Variants in UBE2H observed in about 807,000 individuals in gnomAD.
The protein encoded by UBE2H is ubiquitin conjugating enzyme E2 H, also known as ubiquitin-conjugating enzyme E2 H.
Under a neutral mutation model 29.0 loss-of-function variants are expected in UBE2H, and 3 were observed. The ratio of observed to expected loss-of-function variants is 0.10; its 90% CI spans 0.05 to 0.27. The LOEUF is 0.27. UBE2H is among the 10% of genes least tolerant of loss of function. UBE2H has a pLI of 1.00. For missense variants in UBE2H, 68 were observed against 228.2 expected (o/e 0.30, Z 4.52); for synonymous variants, 69 against 82.9 (o/e 0.83, Z 0.91).
At chr7:129,849,305 C>T (rs1441979501) in intron 5 of UBE2H, among the ~76,000 whole-genome samples, 3 of 152,190 alleles carry the variant, frequency 2.0e-5, no homozygotes, top group Non-Finnish European at 4.4e-5. Flanking sequence ...GAGCCGGGCG[C>T]AGTGGCTCAC....
chr7:129,942,069 G>C (rs1807656737), intron 1 of UBE2H, among the ~76,000 whole-genome samples: 1 of 152,108 alleles, frequency 6.6e-6, no homozygotes, highest in East Asian at 1.9e-4. Flanking sequence ...AGTAAGCCAG[G>C]TGTGGTGGCA....
chr7:129,846,346 AAATAAT>A (rs71175044), intron 5 of UBE2H, among the ~76,000 whole-genome samples: 2,384 of 146,344 alleles, frequency 0.016, 72 homozygotes, highest in East Asian at 0.12. Flanking sequence ...GGTCTCTACA[AAATAAT>A]AATAATAATA....
At chr7:129,904,162 AT>A (rs1806770982) in intron 1 of UBE2H, among the ~76,000 whole-genome samples, 1 of 151,996 alleles carries the variant, frequency 6.6e-6, no homozygotes, top group South Asian at 2.1e-4. Context: ...GTCTTCTTTC[AT>A]TTCCTCAAAC....
At position 129,834,644 on chromosome 7, in the gene UBE2H, C is replaced by T. The variant is rs1487684311; in HGVS notation, c.*293G>A. 8.6e-6 allele frequency: 2 copies of T among 233,656 alleles called. No individual in the cohort carries two copies. Among genetic ancestry groups the T allele is most frequent in the South Asian group, 1.0e-4 (1 of 9,654 alleles). The allele number at this position is 233,656 out of a possible 1,614,324, so 14.5% of individuals were successfully genotyped here. On this transcript the variant is annotated 3_prime_UTR_variant, in exon 7 of 7. Transcript: ENST00000355621. ...TACCTATCAGAGCGGCTATTTCCTTCGACAGTTCAGTAGCACACAGGCTGA... is the reference window on the plus strand; with the variant it reads ...TACCTATCAGAGCGGCTATTTCCTTTGACAGTTCAGTAGCACACAGGCTGA...
At chr7:129,844,514 A>G (rs1337018113) in intron 5 of UBE2H, among the ~76,000 whole-genome samples, 1 of 152,236 alleles carries the variant, frequency 6.6e-6, no homozygotes, top group African/African-American at 2.4e-5. Context: ...TAATAACGAT[A>G]AAAATGTGTC....
At chr7:129,848,182 T>C (rs1805544764) in intron 5 of UBE2H, among the ~76,000 whole-genome samples, 1 of 152,128 alleles carries the variant, frequency 6.6e-6, no homozygotes, top group Non-Finnish European at 1.5e-5. Flanking sequence ...AAGATCACGC[T>C]GCTGCACTCC....
At chr7:129,865,539 A>G (rs1450640413) in intron 3 of UBE2H, among the ~76,000 whole-genome samples, 1 of 152,236 alleles carries the variant, frequency 6.6e-6, no homozygotes, top group African/African-American at 2.4e-5. Context: ...CTTGTGAATC[A>G]AGGTAAATCC....
intron 3 of UBE2H, among the ~76,000 whole-genome samples, chr7:129,868,196 G>C (rs77828899): frequency 0.063 from 9,526 of 152,260 alleles, 367 homozygotes; most frequent in Non-Finnish European, 0.092. Flanking sequence ...CCAATACAGA[G>C]TAGGAACTAA....
chr7:129,910,543 A>AATT (rs1327967884), intron 1 of UBE2H, among the ~76,000 whole-genome samples: 1 of 152,180 alleles, frequency 6.6e-6, no homozygotes, highest in African/African-American at 2.4e-5. Flanking sequence ...TTAGGCTTTA[A>AATT]ACCATGGGTG....
chr7:129,903,215 A>G (rs186036294), intron 1 of UBE2H, among the ~76,000 whole-genome samples: 1 of 152,372 alleles, frequency 6.6e-6, no homozygotes, highest in East Asian at 1.9e-4. Context: ...TAAATGACTC[A>G]GCTGTGCTTA....
chr7:129,856,094 G>T (rs576283961), intron 5 of UBE2H, among the ~76,000 whole-genome samples: 1 of 152,042 alleles, frequency 6.6e-6, no homozygotes, highest in Admixed American at 6.6e-5. Flanking sequence ...ATTTTTGAAC[G>T]GCACAATCAG....
chr7:129,886,321 C>T (rs143029849), intron 1 of UBE2H, among the ~76,000 whole-genome samples: 30 of 152,248 alleles, frequency 2.0e-4, no homozygotes, highest in Admixed American at 4.6e-4. Flanking sequence ...ACATTATTTT[C>T]CTGGAATGCC....
At chr7:129,871,243 T>C (rs992761730) in intron 3 of UBE2H, among the ~76,000 whole-genome samples, 6 of 152,246 alleles carry the variant, frequency 3.9e-5, no homozygotes, top group Admixed American at 1.3e-4. Context: ...AAGGATGATG[T>C]ATGCCACAGC....
chr7:129,893,879 C>T (rs1328826623), intron 1 of UBE2H, among the ~76,000 whole-genome samples: 5 of 152,212 alleles, frequency 3.3e-5, no homozygotes, highest in Non-Finnish European at 5.9e-5. Context: ...TACTTTTGGG[C>T]CTGGCACAGT....
chr7:129,879,587 A>C lies in UBE2H; in HGVS notation c.186T>G (p.Pro62=), dbSNP rs1806213940. ...ACATACCTATAGATGGAGATTTGAA[A>C]GGGTATTTATCAGGTAGGTCCACTC... ...KVRVDLPDKY[P]FKSPSIGFMN... The change falls in exon 3 of 7, where the codon CCT becomes CCG. Residue 62 remains proline (P), a synonymous_variant. Transcript: ENST00000355621. The C allele has an allele frequency of 6.2e-7, 1 of 1,612,578 alleles. No homozygotes were observed. The highest frequency in any genetic ancestry group is 1.7e-5 in the Admixed American group (1 of 59,686).
At chr7:129,847,030 TA>T (rs1805524780) in intron 5 of UBE2H, among the ~76,000 whole-genome samples, 3 of 151,100 alleles carry the variant, frequency 2.0e-5, no homozygotes, top group Admixed American at 6.6e-5. Context: ...TTATTATTAT[TA>T]TTTTTTGAGA....
chr7:129,948,524 T>A (rs1421396797), intron 1 of UBE2H, among the ~76,000 whole-genome samples: 1 of 152,190 alleles, frequency 6.6e-6, no homozygotes, highest in Non-Finnish European at 1.5e-5. Flanking sequence ...TAAAGTGGCA[T>A]GCCCTGGGCC....
intron 1 of UBE2H, among the ~76,000 whole-genome samples, 199 bp downstream of exon 1, chr7:129,952,304 T>G (rs1017923134): frequency 6.6e-6 from 1 of 151,786 alleles, no homozygotes; most frequent in African/African-American, 2.4e-5. Context: ...TATTTCGGGG[T>G]GCTGCGGAGA....
At chr7:129,853,347 C>G (rs551474573) in intron 5 of UBE2H, among the ~76,000 whole-genome samples, 2 of 152,282 alleles carry the variant, frequency 1.3e-5, no homozygotes, top group South Asian at 4.2e-4. Context: ...AAATCCAGAT[C>G]CCCTTGGCTA....
Sources: allele counts gnomAD v4.1 joint callset (sites outside exome capture counted in the v4.1 genomes callset), GRCh38; gene constraint gnomAD v4.1.1; transcripts MANE v1.5; gene names NCBI Gene and HGNC (gene_info 2026-07-23, HGNC 2026-07-21).